Variants in B3GALT1 observed in about 807,000 individuals in gnomAD.
The protein encoded by B3GALT1 is beta-1,3-galactosyltransferase 1, also known as UDP-Gal:betaGlcNAc beta 1,3-galactosyltransferase, polypeptide 1.
In B3GALT1, 10 loss-of-function variants were observed where a neutral mutation model predicts 23.2. The observed-to-expected ratio is 0.43, with a 90% CI of 0.27 to 0.73. The LOEUF (loss-of-function observed/expected upper bound fraction) is 0.73. B3GALT1 is among the 30% of genes least tolerant of loss of function. The probability of loss-of-function intolerance (pLI) is 0.21; values close to 1 mark genes in which losing one functional copy is unlikely to be tolerated. For synonymous variants in B3GALT1, 156 were observed against 141.5 expected (o/e 1.10, Z -0.73); for missense variants, 299 against 405.4 (o/e 0.74, Z 2.25).
chr2:167,532,728 T>A (rs146043363), intron 2 of B3GALT1, among the ~76,000 whole-genome samples: 1 of 152,288 alleles, frequency 6.6e-6, no homozygotes, highest in East Asian at 1.9e-4. Flanking sequence ...AGGTTTTTTT[T>A]AATTGCTAGT....
chr2:167,562,260 T>G, intron 2 of B3GALT1, among the ~76,000 whole-genome samples: 1 of 152,182 alleles, frequency 6.6e-6, no homozygotes, highest in Non-Finnish European at 1.5e-5. Context: ...TCAACAACCC[T>G]TCATGCTAAA....
At chr2:167,428,949 G>A (rs923979410) in intron 1 of B3GALT1, among the ~76,000 whole-genome samples, 1 of 151,936 alleles carries the variant, frequency 6.6e-6, no homozygotes, top group Non-Finnish European at 1.5e-5. Flanking sequence ...AAGGGGATTC[G>A]AGGAGATTAC....
At chr2:167,632,603 AG>A (rs1685470218) in intron 2 of B3GALT1, among the ~76,000 whole-genome samples, 2 of 152,134 alleles carry the variant, frequency 1.3e-5, no homozygotes, top group African/African-American at 4.8e-5. Context: ...TCTTCTGAGA[AG>A]TGTCTGTTTA....
intron 2 of B3GALT1, among the ~76,000 whole-genome samples, chr2:167,554,076 C>T (rs892625253): frequency 4.6e-5 from 7 of 152,132 alleles, no homozygotes; most frequent in Admixed American, 2.6e-4. Context: ...AGAGCATGAC[C>T]GCTGGTCACT....
intron 1 of B3GALT1, among the ~76,000 whole-genome samples, chr2:167,415,483 A>G (rs1224081986): frequency 6.6e-6 from 1 of 152,220 alleles, no homozygotes; most frequent in Non-Finnish European, 1.5e-5. Flanking sequence ...TGAGCCAAGA[A>G]AATTGGTACT....
At chr2:167,441,222 T>C (rs1485427764) in intron 1 of B3GALT1, among the ~76,000 whole-genome samples, 1 of 152,210 alleles carries the variant, frequency 6.6e-6, no homozygotes, top group Non-Finnish European at 1.5e-5. Context: ...TGATTGCACT[T>C]TTGACTTGGA....
rs532091997 is a variant in B3GALT1 at position 167,692,579 on chromosome 2, C to T, written c.-352+45613C>T. 3.3e-5 allele frequency among the ~76,000 whole-genome samples: 5 copies of T among 152,186 alleles called. 1 individual carries two copies. Among genetic ancestry groups the T allele is most frequent in the African/African-American group, 1.2e-4 (5 of 41,550 alleles). ...CTGAATTGGTTTGAGAACTAACATGCATTTATTAACTTGATGCAAGCTTTG... is the reference window on the plus strand; with the variant it reads ...CTGAATTGGTTTGAGAACTAACATGTATTTATTAACTTGATGCAAGCTTTG... On this transcript the variant is annotated intron_variant, in intron 3 of 4. Coordinates refer to ENST00000392690, the MANE Select transcript of B3GALT1 (RefSeq NM_020981.4).
intron 3 of B3GALT1, among the ~76,000 whole-genome samples, chr2:167,760,036 G>A (rs1687877089): frequency 6.6e-6 from 1 of 152,084 alleles, no homozygotes; most frequent in African/African-American, 2.4e-5. Context: ...CTATCATTGA[G>A]GGAGTCTCAA....
At chr2:167,312,216 A>G (rs1455957344) in intron 1 of B3GALT1, among the ~76,000 whole-genome samples, 1 of 152,014 alleles carries the variant, frequency 6.6e-6, no homozygotes, top group Non-Finnish European at 1.5e-5. Flanking sequence ...AGGAAGCAGT[A>G]AAGAGCAAAG....
chr2:167,568,784 T>C (rs530697358), intron 2 of B3GALT1, among the ~76,000 whole-genome samples: 27 of 152,036 alleles, frequency 1.8e-4, no homozygotes, highest in African/African-American at 5.5e-4. Flanking sequence ...TTTTTTTTTA[T>C]CTAAAGAGTC....
chr2:167,578,592 A>G (rs1684425300), intron 2 of B3GALT1, among the ~76,000 whole-genome samples: 1 of 151,816 alleles, frequency 6.6e-6, no homozygotes, highest in African/African-American at 2.4e-5. Context: ...AGCTTCTGTA[A>G]TAAGTGTATT....
At chr2:167,299,023 A>G (rs1044772070) in intron 1 of B3GALT1, among the ~76,000 whole-genome samples, 1 of 152,324 alleles carries the variant, frequency 6.6e-6, no homozygotes. Flanking sequence ...AACACCTTCC[A>G]CAGGGGTTTG....
At chr2:167,378,109 C>T (rs1316803740) in intron 1 of B3GALT1, among the ~76,000 whole-genome samples, 1 of 152,132 alleles carries the variant, frequency 6.6e-6, no homozygotes, top group Non-Finnish European at 1.5e-5. Flanking sequence ...TGAAGTTCTT[C>T]GTTGGAATTT....
chr2:167,639,013 A>C (rs552887040), intron 2 of B3GALT1, among the ~76,000 whole-genome samples: 9 of 152,170 alleles, frequency 5.9e-5, no homozygotes, highest in Admixed American at 3.3e-4. Context: ...AGCAAGGAGT[A>C]TGCTTAGTTA....
chr2:167,540,588 T>G (rs750345484), intron 2 of B3GALT1, among the ~76,000 whole-genome samples: 3 of 152,182 alleles, frequency 2.0e-5, no homozygotes, highest in Non-Finnish European at 4.4e-5. Flanking sequence ...GTGCTTACTT[T>G]CTGTTCTATC....
At chr2:167,357,025 T>C in intron 1 of B3GALT1, among the ~76,000 whole-genome samples, 1 of 151,162 alleles carries the variant, frequency 6.6e-6, no homozygotes, top group Non-Finnish European at 1.5e-5. Context: ...TGTATGTGTG[T>C]GTGTGTATAT....
intron 3 of B3GALT1, among the ~76,000 whole-genome samples, chr2:167,664,138 A>G (rs902692768): frequency 6.7e-6 from 1 of 150,188 alleles, no homozygotes. Flanking sequence ...TGATTTTTGT[A>G]TAAGGTGTAA....
At chr2:167,735,410 A>T (rs181564545) in intron 3 of B3GALT1, among the ~76,000 whole-genome samples, 209 of 152,344 alleles carry the variant, frequency 1.4e-3, no homozygotes, top group Non-Finnish European at 2.4e-3. Context: ...CAGCAGCTAA[A>T]CATCTCAATG....
At chr2:167,418,944 T>C (rs1253206016) in intron 1 of B3GALT1, among the ~76,000 whole-genome samples, 1 of 152,202 alleles carries the variant, frequency 6.6e-6, no homozygotes, top group Non-Finnish European at 1.5e-5. Flanking sequence ...CTTTGATAAA[T>C]GCATGCAGCA....
Sources: allele counts gnomAD v4.1 joint callset (sites outside exome capture counted in the v4.1 genomes callset), GRCh38; gene constraint gnomAD v4.1.1; transcripts MANE v1.5; gene names NCBI Gene and HGNC (gene_info 2026-07-23, HGNC 2026-07-21).